SPATA13: variants seen among roughly 807,000 people sequenced by gnomAD.
SPATA13 encodes spermatogenesis-associated protein 13.
In SPATA13, 50 loss-of-function variants were observed where a neutral mutation model predicts 104.0. That is an observed-to-expected ratio of 0.48 (90% confidence interval 0.38 to 0.61). The LOEUF is 0.61. SPATA13 is among the 20% of genes least tolerant of loss of function. The probability of loss-of-function intolerance (pLI) is 0.00; values close to 1 mark genes in which losing one functional copy is unlikely to be tolerated. For missense variants in SPATA13, 1,524 were observed against 1,690.6 expected, an observed-to-expected ratio of 0.90 and a Z score of 1.73; for synonymous variants, 606 against 667.5, an observed-to-expected ratio of 0.91 and a Z score of 1.42.
chr13:24,221,152 GGA>G (rs1473722365), intron 1 of SPATA13, among the ~76,000 whole-genome samples: 1 of 152,138 alleles, frequency 6.6e-6, no homozygotes, highest in East Asian at 1.9e-4. Flanking sequence ...TTACTGCAGT[GGA>G]GAAGAGTGTG....
intron 2 of SPATA13, among the ~76,000 whole-genome samples, chr13:24,244,845 A>G (rs1192235728): frequency 2.6e-5 from 4 of 152,248 alleles, no homozygotes; most frequent in Non-Finnish European, 5.9e-5. Flanking sequence ...ACAGAGTGAG[A>G]CTGTCGCAAA....
At chr13:24,200,937 T>C (rs1414993219) in intron 1 of SPATA13, among the ~76,000 whole-genome samples, 1 of 152,148 alleles carries the variant, frequency 6.6e-6, no homozygotes, top group Admixed American at 6.6e-5. Flanking sequence ...TGTGTCTGAT[T>C]ACGTCCTTGT....
intron 4 of SPATA13, among the ~76,000 whole-genome samples, chr13:24,280,140 T>A (rs1045763290): frequency 6.6e-6 from 1 of 152,208 alleles, no homozygotes; most frequent in African/African-American, 2.4e-5. Flanking sequence ...GCCTCCCAAG[T>A]AGCTGGGACT....
intron 1 of SPATA13, among the ~76,000 whole-genome samples, chr13:24,202,930 A>C (rs1870502998): frequency 6.6e-6 from 1 of 152,116 alleles, no homozygotes; most frequent in Non-Finnish European, 1.5e-5. Context: ...CTAACTTAGG[A>C]AACAGTATGT....
At chr13:24,275,346 G>A (rs923505470) in intron 4 of SPATA13, among the ~76,000 whole-genome samples, 6 of 152,234 alleles carry the variant, frequency 3.9e-5, no homozygotes, top group African/African-American at 1.4e-4. Context: ...GTTAACCATG[G>A]TTATTGAACA....
intron 3 of SPATA13, 31 bp downstream of exon 3, chr13:24,249,873 G>C (rs1259171250): frequency 6.5e-7 from 1 of 1,547,832 alleles, no homozygotes; most frequent in Non-Finnish European, 8.7e-7. Context: ...CCCCAAGCCA[G>C]CAGAGGCCCT....
chr13:24,160,817 G>C lies in SPATA13; in HGVS notation c.-227G>C. The C allele has an allele frequency of 2.0e-6, 2 of 985,500 alleles. No homozygotes were observed. The highest frequency in any genetic ancestry group is 2.4e-6 in the Non-Finnish European group (2 of 829,970). 61.0% of individuals were successfully genotyped at this position (985,500 alleles called of 1,614,324 possible). A position where few individuals can be genotyped will look rare whatever the true frequency, so the allele number is the denominator to read the frequency against. On this transcript the variant is annotated 5_prime_UTR_variant, in exon 1 of 13. Transcript: ENST00000382108. ...CTCCGAGGGCGCGCACTGGATCCCA[G>C]GCTCCTCCGAGAGTGCGGCGACCTC... is the stretch of plus-strand genomic sequence containing the variant.
chr13:24,100,278 T>C (rs1035142554), intron 3 of SPATA13, among the ~76,000 whole-genome samples: 1 of 152,242 alleles, frequency 6.6e-6, no homozygotes, highest in Admixed American at 6.5e-5. Flanking sequence ...CGCACTGCAT[T>C]GAAGACGCTC....
chr13:24,254,736 T>C (rs187401728), intron 4 of SPATA13, among the ~76,000 whole-genome samples: 24 of 152,240 alleles, frequency 1.6e-4, no homozygotes, highest in African/African-American at 5.8e-4. Flanking sequence ...TCAGCTTTGT[T>C]GAGGGGAAGG....
chr13:24,114,359 G>GTGTGCCTGCATGTGTGCACATGCGCA lies in SPATA13; in HGVS notation c.-112+96683_-112+96684insATGTGCCTGCATGTGTGCACATGCGC, dbSNP rs572372780. On this transcript the variant is annotated intron_variant, in intron 3 of 14. Coordinates refer to the SPATA13 transcript ENST00000424834. The stretch of plus-strand genomic sequence containing the variant: ...ATAGAAGCTAATTCAGTGTGCACGT[G>GTGTGCCTGCATGTGTGCACATGCGCA]TGTGCCTGCATGTGTGCACATGCGC... Among the ~76,000 whole-genome samples, 687 of 95,620 alleles carry GTGTGCCTGCATGTGTGCACATGCGCA rather than the reference G, an allele frequency of 7.2e-3. 4 individuals are homozygous for GTGTGCCTGCATGTGTGCACATGCGCA. Among genetic ancestry groups the GTGTGCCTGCATGTGTGCACATGCGCA allele is most frequent in the Non-Finnish European group, 0.011 (418 of 39,470 alleles). 62.7% of individuals were successfully genotyped at this position (95,620 alleles called of 152,430 possible). A position where few individuals can be genotyped will look rare whatever the true frequency, so the allele number is the denominator to read the frequency against.
chr13:24,050,625 CAA>C (rs895943792), intron 3 of SPATA13, among the ~76,000 whole-genome samples: 1 of 152,176 alleles, frequency 6.6e-6, no homozygotes, highest in Non-Finnish European at 1.5e-5. Flanking sequence ...CAAGAATCCA[CAA>C]GAGGCGAAGG....
At chr13:24,089,144 C>T (rs765643275) in intron 3 of SPATA13, among the ~76,000 whole-genome samples, 2 of 152,202 alleles carry the variant, frequency 1.3e-5, no homozygotes, top group African/African-American at 4.8e-5. Flanking sequence ...CAGGGAATAA[C>T]GGAAGCACAC....
At chr13:24,156,210 G>A (rs745832697), upstream of SPATA13, among the ~76,000 whole-genome samples, 4 of 152,208 alleles carry the variant, frequency 2.6e-5, no homozygotes, top group Non-Finnish European at 4.4e-5. Context: ...AAGAGGGATT[G>A]CTGGATGATA....
Position 24,305,126 on chromosome 13 carries a change from G to A in SPATA13, c.*2353G>A, listed in dbSNP as rs957324728. 3 of 152,194 alleles carry A rather than the reference G, an allele frequency of 2.0e-5. No homozygotes were observed. Among genetic ancestry groups the A allele is most frequent in the Non-Finnish European group, 4.4e-5 (3 of 68,044 alleles). The allele number at this position is 152,194 out of a possible 1,614,324, so 9.4% of individuals were successfully genotyped here. On this transcript the variant is annotated 3_prime_UTR_variant, in exon 13 of 13. Coordinates refer to ENST00000382108, the MANE Select transcript of SPATA13 (RefSeq NM_001166271.3). Reference sequence around the variant, plus strand: ...CATTTTCAGTGAGGATTCAGTTTAAGAGTCATTCTTAGGACTTCCATTTCC... The same window carrying A: ...CATTTTCAGTGAGGATTCAGTTTAAAAGTCATTCTTAGGACTTCCATTTCC...
intron 2 of SPATA13, among the ~76,000 whole-genome samples, chr13:23,984,509 C>G (rs1875056586): frequency 6.6e-6 from 1 of 152,330 alleles, no homozygotes. Flanking sequence ...CCGCGCAGCA[C>G]CTGTCCTTCC....
Position 24,304,146 on chromosome 13 carries a change from T to C in SPATA13, c.*1373T>C, listed in dbSNP as rs1195451394. 6.6e-6 allele frequency: 1 copy of C among 152,188 alleles called. No individual in the cohort carries two copies. 9.4% of individuals were successfully genotyped at this position (152,188 alleles called of 1,614,324 possible). On this transcript the variant is annotated 3_prime_UTR_variant, in exon 13 of 13. Transcript: ENST00000382108. ...TATAAAGCCAAACAGGGCATAACCA[T>C]GTCACGTGAGCATGTCATCAGGCTT...
chr13:24,049,194 G>A (rs1343461246), intron 3 of SPATA13, among the ~76,000 whole-genome samples: 1 of 152,208 alleles, frequency 6.6e-6, no homozygotes, highest in African/African-American at 2.4e-5. Flanking sequence ...AGTAACAACA[G>A]CAATACCGTT....
chr13:24,298,655 G>A (rs745361656), intron 11 of SPATA13, among the ~76,000 whole-genome samples: 29 of 152,142 alleles, frequency 1.9e-4, no homozygotes, highest in Admixed American at 7.2e-4. Context: ...GGTCCAGGAC[G>A]GAGGGGAGCC....
intron 1 of SPATA13, among the ~76,000 whole-genome samples, chr13:24,174,294 T>C (rs1043542694): frequency 6.6e-6 from 1 of 152,158 alleles, no homozygotes; most frequent in Non-Finnish European, 1.5e-5. Context: ...TTTGTTTAAT[T>C]GATTTTTTCT....
Sources: gnomAD v4.1 joint callset for allele counts (sites outside exome capture counted in the v4.1 genomes callset) on GRCh38, gnomAD v4.1.1 for gene constraint, MANE v1.5 for transcripts, NCBI Gene and HGNC (gene_info 2026-07-23, HGNC 2026-07-21) for gene names.